DAZL: variants seen among roughly 807,000 people sequenced by gnomAD.
DAZL encodes deleted in azoospermia-like.
In DAZL, 4 loss-of-function variants were observed where a neutral mutation model predicts 45.0. The observed-to-expected ratio is 0.09, with a 90% CI of 0.04 to 0.20. The LOEUF (loss-of-function observed/expected upper bound fraction) is 0.20, where lower values mean the gene tolerates loss of function less well. Among genes scored for constraint, DAZL ranks in the 10% least tolerant of loss-of-function variants. The pLI is 1.00. For synonymous variants in DAZL, 122 were observed against 112.4 expected, an observed-to-expected ratio of 1.09 and a Z score of -0.54; for missense variants, 326 against 351.3, an observed-to-expected ratio of 0.93 and a Z score of 0.58.
intron 8 of DAZL, 35 bp from the exon 9 acceptor site, chr3:16,593,803 A>T: frequency 7.5e-7 from 1 of 1,331,126 alleles, no homozygotes; most frequent in African/African-American, 1.5e-5. Flanking sequence ...AATTAAACAG[A>T]TATACAGATA....
intron 6 of DAZL, among the ~76,000 whole-genome samples, chr3:16,595,754 A>G (rs1361854017): frequency 6.6e-6 from 1 of 152,034 alleles, no homozygotes; most frequent in African/African-American, 2.4e-5. Context: ...TTGTCAAAAT[A>G]CTTCTAGACA....
At chr3:16,597,340 T>G in intron 4 of DAZL, 150 bp downstream of exon 4, 1 of 727,224 alleles carries the variant, frequency 1.4e-6, no homozygotes, top group Non-Finnish European at 2.4e-6. Context: ...ATAAACAGGT[T>G]CTAACAAGTT....
chr3:16,599,721 C>T (rs964276237), intron 1 of DAZL, among the ~76,000 whole-genome samples: 1 of 152,148 alleles, frequency 6.6e-6, no homozygotes, highest in Admixed American at 6.5e-5. Flanking sequence ...CCGCAGTAGA[C>T]TCTAAGGCTA....
intron 2 of DAZL, 67 bp downstream of exon 2, chr3:16,598,385 G>C (rs1226553670): frequency 1.6e-4 from 249 of 1,586,584 alleles, no homozygotes; most frequent in African/African-American, 4.0e-5. Context: ...CCTTAAGTTT[G>C]TAACAGGGCC....
At chr3:16,591,911 G>T in intron 10 of DAZL, 139 bp downstream of exon 10, 2 of 975,256 alleles carry the variant, frequency 2.1e-6, no homozygotes, top group Non-Finnish European at 3.1e-6. Context: ...AACCCACTCT[G>T]GTTTACTGTG....
chr3:16,602,078 A>T (rs1694698742), intron 1 of DAZL, among the ~76,000 whole-genome samples: 1 of 152,178 alleles, frequency 6.6e-6, no homozygotes, highest in Non-Finnish European at 1.5e-5. Flanking sequence ...TGAAAATCAG[A>T]ATCAAAACTT....
chr3:16,595,598 CAAAA>C (rs1694587760), intron 6 of DAZL, among the ~76,000 whole-genome samples: 1 of 151,912 alleles, frequency 6.6e-6, no homozygotes, highest in Non-Finnish European at 1.5e-5. Flanking sequence ...AGACAAATGA[CAAAA>C]GAAGTGACTA....
intron 1 of DAZL, among the ~76,000 whole-genome samples, chr3:16,600,733 T>C (rs1168948952): frequency 1.3e-5 from 2 of 152,174 alleles, no homozygotes; most frequent in African/African-American, 2.4e-5. Context: ...ACTTTGGATA[T>C]GTTTTTCTTT....
chr3:16,600,869 C>G (rs1055331485), intron 1 of DAZL, among the ~76,000 whole-genome samples: 1 of 152,152 alleles, frequency 6.6e-6, no homozygotes, highest in Non-Finnish European at 1.5e-5. Flanking sequence ...TGCATTGATT[C>G]TCAACTGGGG....
chr3:16,594,784 TC>T (rs1451753390), intron 7 of DAZL, among the ~76,000 whole-genome samples: 1 of 152,222 alleles, frequency 6.6e-6, no homozygotes, highest in Middle Eastern at 3.4e-3. Context: ...CTCACCTTTT[TC>T]CCAATTTTCT....
chr3:16,602,331 T>C lies in DAZL; in HGVS notation c.3+2872A>G, dbSNP rs375806179. 3.3e-5 allele frequency among the ~76,000 whole-genome samples: 5 copies of C among 152,230 alleles called. No individual in the cohort carries two copies. The East Asian group carries it at 9.6e-4, about 29-fold the overall frequency. On this transcript the variant is annotated intron_variant, in intron 1 of 10. Coordinates refer to ENST00000399444, the MANE Select transcript of DAZL (RefSeq NM_001351.4). Reference sequence around the variant, plus strand: ...AAATTTAAATTTTTACAAAACAATCTTGAGAAAAAACACCTAATGATACCT... The same window carrying C: ...AAATTTAAATTTTTACAAAACAATCCTGAGAAAAAACACCTAATGATACCT...
rs560814162 is a variant in DAZL at position 16,603,293 on chromosome 3, T to C, written c.3+1910A>G. On this transcript the variant is annotated intron_variant, in intron 1 of 10. Coordinates refer to ENST00000399444, the MANE Select transcript of DAZL (RefSeq NM_001351.4). ...CAGCAATTCCACTTACAGCAATTCATCTCAAGGAATTAATAATACAAGCAT... is the reference window on the plus strand; with the variant it reads ...CAGCAATTCCACTTACAGCAATTCACCTCAAGGAATTAATAATACAAGCAT... 7.2e-5 allele frequency among the ~76,000 whole-genome samples: 11 copies of C among 152,174 alleles called. No homozygotes were observed. The South Asian group carries it at 2.3e-3, about 32-fold the overall frequency.
At chr3:16,592,416 A>G (rs528959361) in intron 9 of DAZL, among the ~76,000 whole-genome samples, 11 of 152,096 alleles carry the variant, frequency 7.2e-5, no homozygotes, top group Non-Finnish European at 1.2e-4. Flanking sequence ...AAAAATACAA[A>G]TATCAGCTGG....
rs1442711154 is a variant in DAZL, at chr3:16,588,580, G to A, written c.*80C>T. ...TTTGAGTGTGATTTACCAAAATTCA[G>A]AATTTCTATAATAGTGGAAACCTTT... is the stretch of plus-strand genomic sequence containing the variant. On this transcript the variant is annotated 3_prime_UTR_variant, in exon 11 of 11. Coordinates refer to ENST00000399444, the MANE Select transcript of DAZL (RefSeq NM_001351.4). 2.5e-5 allele frequency: 29 copies of A among 1,149,792 alleles called. No individual in the cohort carries two copies. Among genetic ancestry groups the A allele is most frequent in the African/African-American group, 4.6e-5 (3 of 65,718 alleles). 71.2% of individuals were successfully genotyped at this position (1,149,792 alleles called of 1,614,324 possible). A position where few individuals can be genotyped will look rare whatever the true frequency, so the allele number is the denominator to read the frequency against.
At chr3:16,592,231 A>G in intron 9 of DAZL, 83 bp from the exon 10 acceptor site, 2 of 1,547,082 alleles carry the variant, frequency 1.3e-6, no homozygotes, top group Non-Finnish European at 1.8e-6. Context: ...AGTTTAATGA[A>G]TATATTACTT....
In DAZL at chr3:16,592,047, T is replaced by C. The variant is rs1176596513; in HGVS notation, c.834+3A>G. On this transcript the variant is annotated splice_donor_region_variant and intron_variant, in intron 10 of 10. Coordinates refer to ENST00000399444, the MANE Select transcript of DAZL (RefSeq NM_001351.4). ...TAATTGTGCGTAACTGTTATATTCA[T>C]ACCTTGAAGTAGTCATCTTGAGTAA... is the stretch of plus-strand genomic sequence containing the variant. 6 of 1,611,322 alleles carry C rather than the reference T, an allele frequency of 3.7e-6. No homozygotes were observed. The highest frequency in any genetic ancestry group is 2.2e-5 in the East Asian group (1 of 44,776).
chr3:16,593,021 G>C (rs530695133), intron 9 of DAZL, among the ~76,000 whole-genome samples: 137 of 152,122 alleles, frequency 9.0e-4, no homozygotes, highest in African/African-American at 3.0e-3. Flanking sequence ...CCACTGTTGG[G>C]AACTACTGCC....
rs200489265 is a variant in DAZL, at chr3:16,603,517, TTC to T, written c.3+1684_3+1685del. Among the ~76,000 whole-genome samples the T allele has an allele frequency of 1.6e-3, 246 of 151,574 alleles. 4 individuals are homozygous for T. The East Asian group carries it at 0.04, about 25-fold the overall frequency. On this transcript the variant is annotated intron_variant, in intron 1 of 10. Transcript: ENST00000399444. ...GCGCACCACCACGCCTGGCAAATTT[TTC>T]TGTTTTTAGTAGCGATGGGGTTTCG...
chr3:16,588,785 C>CA (rs1694475982), intron 10 of DAZL, 72 bp from the exon 11 acceptor site: 3 of 1,234,942 alleles, frequency 2.4e-6, no homozygotes, highest in Admixed American at 3.4e-5. Context: ...TGAAAGTTGT[C>CA]AAAAACTTAA....
Sources: gnomAD v4.1 joint callset for allele counts (sites outside exome capture counted in the v4.1 genomes callset) on GRCh38, gnomAD v4.1.1 for gene constraint, MANE v1.5 for transcripts, NCBI Gene and HGNC (gene_info 2026-07-23, HGNC 2026-07-21) for gene names.